HDAC9: variants seen among roughly 807,000 people sequenced by gnomAD.
HDAC9 encodes histone deacetylase 9.
A neutral mutation model predicts 139.4 loss-of-function variants in HDAC9; 41 were observed. That is an observed-to-expected ratio of 0.29 (90% CI 0.23 to 0.38). The LOEUF (loss-of-function observed/expected upper bound fraction) is 0.38. HDAC9 is among the 10% of genes least tolerant of loss of function. The pLI is 1.00. For missense variants in HDAC9, 1,147 were observed against 1,297.0 expected (o/e 0.88, Z 1.78); for synonymous variants, 517 against 476.2 (o/e 1.09, Z -1.12).
At chr7:18,600,069 C>T (rs1039170382) in intron 6 of HDAC9, among the ~76,000 whole-genome samples, 4 of 151,900 alleles carry the variant, frequency 2.6e-5, no homozygotes, top group African/African-American at 7.3e-5. Context: ...TGGTGCCAAG[C>T]ATCTTTTCAT....
At chr7:18,719,918 G>A (rs1277191369) in intron 12 of HDAC9, among the ~76,000 whole-genome samples, 1 of 152,154 alleles carries the variant, frequency 6.6e-6, no homozygotes, top group Non-Finnish European at 1.5e-5. Flanking sequence ...CTGCTGAATT[G>A]TCTTGGCACC....
intron 1 of HDAC9, among the ~76,000 whole-genome samples, chr7:18,318,312 A>G (rs761956240): frequency 1.3e-5 from 2 of 152,226 alleles, no homozygotes; most frequent in Non-Finnish European, 2.9e-5. Context: ...CTACATAAAC[A>G]TCTGCCTTTT....
intron 1 of HDAC9, among the ~76,000 whole-genome samples, chr7:18,148,395 A>G (rs559372133): frequency 2.0e-5 from 3 of 152,248 alleles, no homozygotes; most frequent in East Asian, 3.9e-4. Context: ...TGCATCGACT[A>G]TTATTCCATA....
intron 25 of HDAC9, 102 bp from the exon 26 acceptor site, chr7:18,995,921 A>C: frequency 1.3e-6 from 1 of 794,382 alleles, no homozygotes; most frequent in Non-Finnish European, 2.1e-6. Flanking sequence ...ACACAAATAA[A>C]CATCAGAGAG....
chr7:18,366,234 GA>G (rs1225614189), intron 1 of HDAC9, among the ~76,000 whole-genome samples: 2 of 152,102 alleles, frequency 1.3e-5, no homozygotes, highest in Non-Finnish European at 2.9e-5. Context: ...GGCTTGTTCA[GA>G]AACTGACAAA....
intron 2 of HDAC9, among the ~76,000 whole-genome samples, chr7:18,274,106 C>A (rs1026619088): frequency 1.3e-5 from 2 of 151,868 alleles, no homozygotes; most frequent in African/African-American, 2.4e-5. Flanking sequence ...CATATGTATA[C>A]AAAGGGACAT....
intron 22 of HDAC9, among the ~76,000 whole-genome samples, chr7:18,912,263 G>C (rs1802807517): frequency 6.6e-6 from 1 of 151,952 alleles, no homozygotes; most frequent in Admixed American, 6.6e-5. Context: ...GCTTTAGGGA[G>C]TTATTTCCTC....
At chr7:18,564,057 G>A (rs546861099) in intron 2 of HDAC9, among the ~76,000 whole-genome samples, 3 of 151,912 alleles carry the variant, frequency 2.0e-5, no homozygotes, top group South Asian at 2.1e-4. Context: ...GGATGGTCTC[G>A]AGCTCCTGAC....
rs796295580 is a variant in HDAC9 at position 18,997,388 on chromosome 7, A to AT, written c.*1327dup. Reference sequence around the variant, plus strand: ...AAAATAAAGGACATTTATTTCTGAGATAAAAAGTAACTTACTAAATATAAG... The same window carrying AT: ...AAAATAAAGGACATTTATTTCTGAGATTAAAAAGTAACTTACTAAATATAAG... On this transcript the variant is annotated 3_prime_UTR_variant, in exon 26 of 26. Coordinates refer to ENST00000686413, the MANE Select transcript of HDAC9 (RefSeq NM_178425.4). The AT allele has an allele frequency of 3.4e-4, 51 of 152,220 alleles. No homozygotes were observed. The highest frequency in any genetic ancestry group is 1.2e-3 in the African/African-American group (50 of 41,572). 9.4% of individuals were successfully genotyped at this position (152,220 alleles called of 1,614,324 possible).
At chr7:18,436,091 T>G (rs1279233689) in intron 1 of HDAC9, among the ~76,000 whole-genome samples, 1 of 151,936 alleles carries the variant, frequency 6.6e-6, no homozygotes, top group Non-Finnish European at 1.5e-5. Context: ...GTACTGGGAT[T>G]ACAGGCGTGA....
chr7:18,246,464 T>C (rs963070406), intron 2 of HDAC9, among the ~76,000 whole-genome samples: 1 of 152,110 alleles, frequency 6.6e-6, no homozygotes, highest in Non-Finnish European at 1.5e-5. Flanking sequence ...TTCCAGAACA[T>C]TTTTATCACC....
intron 2 of HDAC9, among the ~76,000 whole-genome samples, chr7:18,251,647 G>A (rs1219281822): frequency 6.6e-6 from 1 of 152,116 alleles, no homozygotes; most frequent in Non-Finnish European, 1.5e-5. Flanking sequence ...TAGTCATTGA[G>A]CTTTTGAATT....
intron 12 of HDAC9, among the ~76,000 whole-genome samples, chr7:18,709,532 AC>A (rs1424098952): frequency 6.6e-6 from 1 of 152,200 alleles, no homozygotes; most frequent in African/African-American, 2.4e-5. Context: ...TTTTTTAAGA[AC>A]TAGATTAAAA....
intron 17 of HDAC9, among the ~76,000 whole-genome samples, chr7:18,824,703 A>T (rs1795279341): frequency 6.6e-6 from 1 of 152,210 alleles, no homozygotes; most frequent in South Asian, 2.1e-4. Context: ...TCATATAGTG[A>T]GAGCTCTCTT....
rs1193218752 is a variant in HDAC9 at position 18,569,597 on chromosome 7, C to T, written c.23-15684C>T. Among the ~76,000 whole-genome samples the T allele has an allele frequency of 3.3e-5, 5 of 152,168 alleles. No homozygotes were observed. The South Asian group carries it at 1.0e-3, about 31-fold the overall frequency. On this transcript the variant is annotated intron_variant, in intron 2 of 25. Transcript: ENST00000686413. ...TCTCAATATTGGCTAATTCTATAAA[C>T]AGATACTATGAGTTCTGCCAGAAAT... is the stretch of plus-strand genomic sequence containing the variant.
At chr7:18,873,596 G>A (rs1416840376) in intron 21 of HDAC9, among the ~76,000 whole-genome samples, 3 of 152,034 alleles carry the variant, frequency 2.0e-5, no homozygotes. Flanking sequence ...ATTTGTTTTA[G>A]TTATATCTCA....
At chr7:18,197,841 G>A (rs1386938044) in intron 2 of HDAC9, among the ~76,000 whole-genome samples, 2 of 152,124 alleles carry the variant, frequency 1.3e-5, no homozygotes, top group African/African-American at 2.4e-5. Flanking sequence ...AGCCTTTTAA[G>A]GAAAACTGAA....
chr7:18,866,516 T>G (rs1798512008), intron 21 of HDAC9, among the ~76,000 whole-genome samples: 3 of 152,104 alleles, frequency 2.0e-5, no homozygotes, highest in Non-Finnish European at 4.4e-5. Flanking sequence ...TGTGCCTGGG[T>G]TTGTTTTCCA....
chr7:18,754,792 A>G (rs559546726), intron 14 of HDAC9, among the ~76,000 whole-genome samples: 1 of 152,252 alleles, frequency 6.6e-6, no homozygotes, highest in South Asian at 2.1e-4. Flanking sequence ...GCCAAGAAGC[A>G]GGGATTCCAG....
Sources: allele counts gnomAD v4.1 joint callset (sites outside exome capture counted in the v4.1 genomes callset), GRCh38; gene constraint gnomAD v4.1.1; transcripts MANE v1.5; gene names NCBI Gene and HGNC (gene_info 2026-07-23, HGNC 2026-07-21).